Variants in PAK1 observed in about 807,000 individuals in gnomAD.
PAK1 encodes serine/threonine-protein kinase PAK 1.
Under a neutral mutation model 67.4 loss-of-function variants are expected in PAK1, and 29 were observed. The ratio of observed to expected loss-of-function variants is 0.43; its 90% CI spans 0.32 to 0.59. The LOEUF (loss-of-function observed/expected upper bound fraction) is 0.59. Ranked by LOEUF, PAK1 falls within the 20% of genes least tolerant of loss-of-function variation. The probability of loss-of-function intolerance (pLI) is 0.07; values close to 1 mark genes in which losing one functional copy is unlikely to be tolerated. For synonymous variants in PAK1, 223 were observed against 237.4 expected (o/e 0.94, Z 0.56); for missense variants, 337 against 670.7 (o/e 0.50, Z 5.50).
At chr11:77,442,742 T>C (rs940368442) in intron 1 of PAK1, among the ~76,000 whole-genome samples, 2 of 152,184 alleles carry the variant, frequency 1.3e-5, no homozygotes, top group African/African-American at 4.8e-5. Context: ...TACACAACAA[T>C]AGATAACTAA....
In PAK1 at chr11:77,381,178, G is replaced by GTGTGTGTGTGTGTGT. The variant is rs869219760; in HGVS notation, c.191-1185_191-1184insACACACACACACACA. Among the ~76,000 whole-genome samples, 35 of 107,616 alleles carry GTGTGTGTGTGTGTGT rather than the reference G, an allele frequency of 3.3e-4. 1 individual carries two copies. Among genetic ancestry groups the GTGTGTGTGTGTGTGT allele is most frequent in the African/African-American group, 9.5e-4 (34 of 35,764 alleles). The allele number at this position is 107,616 out of a possible 152,430, so 70.6% of individuals were successfully genotyped here. A position where few individuals can be genotyped will look rare whatever the true frequency, so the allele number is the denominator to read the frequency against. On this transcript the variant is annotated intron_variant, in intron 2 of 14. Coordinates refer to ENST00000356341, the MANE Select transcript of PAK1 (RefSeq NM_002576.5). ...GTGTGTGTGTGTGTGTGTGTGTGTA[G>GTGTGTGTGTGTGTGT]AGAGAGAGAGAGAAAGAGAGACCAG... is the stretch of plus-strand genomic sequence containing the variant.
At chr11:77,448,190 T>A (rs908530364) in intron 1 of PAK1, among the ~76,000 whole-genome samples, 1 of 152,186 alleles carries the variant, frequency 6.6e-6, no homozygotes, top group African/African-American at 2.4e-5. Context: ...TTACCTCATA[T>A]GTAAAATGGG....
At chr11:77,459,830 G>A (rs914748243) in intron 1 of PAK1, among the ~76,000 whole-genome samples, 20 of 151,634 alleles carry the variant, frequency 1.3e-4, no homozygotes, top group African/African-American at 4.8e-4. Context: ...GCGAGCAGCT[G>A]GGACTACAGG....
chr11:77,362,783 A>T (rs1946974420), intron 5 of PAK1, among the ~76,000 whole-genome samples: 1 of 152,248 alleles, frequency 6.6e-6, no homozygotes, highest in Non-Finnish European at 1.5e-5. Flanking sequence ...TGTCTTATCC[A>T]ATAGTAGTAT....
intron 14 of PAK1, among the ~76,000 whole-genome samples, chr11:77,327,064 C>T (rs924477860): frequency 1.2e-4 from 18 of 151,758 alleles, no homozygotes; most frequent in Admixed American, 2.6e-4. Context: ...TGAAATGAAG[C>T]GAGAAGAGAA....
chr11:77,459,899 T>C (rs1957255213), intron 1 of PAK1, among the ~76,000 whole-genome samples: 1 of 151,644 alleles, frequency 6.6e-6, no homozygotes, highest in Admixed American at 6.6e-5. Context: ...GGTTTCACCG[T>C]GTTAGCCAGG....
intron 1 of PAK1, among the ~76,000 whole-genome samples, chr11:77,406,492 C>CA: frequency 6.6e-6 from 1 of 152,296 alleles, no homozygotes; most frequent in East Asian, 1.9e-4. Flanking sequence ...AGTAAGCACT[C>CA]AAAGCCAGGT....
At chr11:77,512,987 G>A in the PAK1 span, among the ~76,000 whole-genome samples, 6 of 152,140 alleles carry the variant, frequency 3.9e-5, no homozygotes, top group African/African-American at 1.4e-4. Flanking sequence ...CCCGCTACTT[G>A]GGAAGCTGAG....
At chr11:77,371,995 C>T (rs543210752) in intron 5 of PAK1, among the ~76,000 whole-genome samples, 1 of 152,318 alleles carries the variant, frequency 6.6e-6, no homozygotes, top group African/African-American at 2.4e-5. Context: ...ATTCACAAGA[C>T]TCAGTTGTAA....
the PAK1 span, among the ~76,000 whole-genome samples, chr11:77,524,814 T>C: frequency 6.6e-6 from 1 of 152,126 alleles, no homozygotes; most frequent in Admixed American, 6.6e-5. Context: ...CTTTAGCACA[T>C]GGGACAGTAC....
chr11:77,528,249 T>TA, the PAK1 span, among the ~76,000 whole-genome samples: 12 of 152,076 alleles, frequency 7.9e-5, no homozygotes, highest in African/African-American at 2.9e-4. Context: ...TTATCACACA[T>TA]AATAAATTTA....
At chr11:77,480,678 C>T in the PAK1 span, among the ~76,000 whole-genome samples, 14 of 152,184 alleles carry the variant, frequency 9.2e-5, no homozygotes, top group African/African-American at 3.4e-4. Context: ...TGTGTGCCAC[C>T]ATGCCCAACT....
intron 1 of PAK1, among the ~76,000 whole-genome samples, chr11:77,408,981 A>C (rs1346461462): frequency 1.3e-5 from 2 of 152,226 alleles, no homozygotes; most frequent in African/African-American, 4.8e-5. Context: ...AAGACAGGCA[A>C]AGGCTGGGCA....
upstream of PAK1, among the ~76,000 whole-genome samples, chr11:77,477,415 C>T (rs924597501): frequency 6.6e-6 from 1 of 151,968 alleles, no homozygotes; most frequent in Non-Finnish European, 1.5e-5. Context: ...GTGGCCTATA[C>T]ATACATTTAA....
chr11:77,340,724 G>A lies in PAK1; in HGVS notation c.1038C>T (p.Tyr346=). ...VGDELWVVME[Y]LAGGSLTDVV... is the part of the protein sequence containing the mutation. ...CATCTGTCAAGGAGCCTCCAGCCAA[G>A]TATTCCATAACAACCCACAGCTCAT... The change falls in exon 11 of 15, where the codon TAC becomes TAT. Residue 346 remains tyrosine (Y), a synonymous_variant. Coordinates refer to ENST00000356341, the MANE Select transcript of PAK1 (RefSeq NM_002576.5). The A allele has an allele frequency of 6.2e-7, 1 of 1,609,636 alleles. No individual in the cohort carries two copies. The highest frequency in any genetic ancestry group is 8.5e-7 in the Non-Finnish European group (1 of 1,175,896).
At chr11:77,475,004 A>C (rs891835154), upstream of PAK1, 5 of 152,202 alleles carry the variant, frequency 3.3e-5, no homozygotes, top group East Asian at 7.7e-4. Context: ...GACATTTCTA[A>C]GCCGTAATTT....
chr11:77,349,392 G>C, intron 8 of PAK1, 105 bp from the exon 9 acceptor site: 2 of 857,928 alleles, frequency 2.3e-6, no homozygotes, highest in Non-Finnish European at 3.9e-6. Flanking sequence ...TCAAAAACAA[G>C]AGCAGTAAAA....
chr11:77,388,922 T>C (rs1950788411), intron 2 of PAK1, among the ~76,000 whole-genome samples: 1 of 152,204 alleles, frequency 6.6e-6, no homozygotes, highest in African/African-American at 2.4e-5. Context: ...TCAGCTTTAT[T>C]GAGATGTAAT....
At chr11:77,441,273 ATT>A (rs1402090486) in intron 1 of PAK1, among the ~76,000 whole-genome samples, 1 of 152,152 alleles carries the variant, frequency 6.6e-6, no homozygotes, top group Middle Eastern at 3.2e-3. Flanking sequence ...ATCTAGGTCC[ATT>A]TCTCTGCCAT....
Sources: allele counts gnomAD v4.1 joint callset (sites outside exome capture counted in the v4.1 genomes callset), GRCh38; gene constraint gnomAD v4.1.1; transcripts MANE v1.5; gene names NCBI Gene and HGNC (gene_info 2026-07-23, HGNC 2026-07-21).